The following PRKAG2 variants were observed in gnomAD, a reference collection of about 807,000 sequenced individuals.
The protein encoded by PRKAG2 is protein kinase AMP-activated non-catalytic subunit gamma 2.
PRKAG2 carries 26 observed loss-of-function variants against 69.6 expected under a neutral mutation model. The ratio of observed to expected loss-of-function variants is 0.37; its 90% CI spans 0.27 to 0.52. The LOEUF (loss-of-function observed/expected upper bound fraction) is 0.52, where lower values mean the gene tolerates loss of function less well. Ranked by LOEUF, PRKAG2 falls within the 20% of genes least tolerant of loss-of-function variation. The probability of loss-of-function intolerance (pLI) is 0.90; values close to 1 mark genes in which losing one functional copy is unlikely to be tolerated. For synonymous variants in PRKAG2, 293 were observed against 285.0 expected (o/e 1.03, Z -0.28); for missense variants, 557 against 740.0 (o/e 0.75, Z 2.87).
chr7:151,824,296 G>A (rs576500804), intron 1 of PRKAG2, among the ~76,000 whole-genome samples: 29 of 152,210 alleles, frequency 1.9e-4, no homozygotes, highest in Non-Finnish European at 3.5e-4. Flanking sequence ...TGCTCCCCTC[G>A]GCTTTTCCCC....
At chr7:151,677,431 A>G (rs1563406332) in intron 3 of PRKAG2, among the ~76,000 whole-genome samples, 1 of 152,216 alleles carries the variant, frequency 6.6e-6, no homozygotes, top group Non-Finnish European at 1.5e-5. Context: ...ACCTCAAGTG[A>G]TCTGCCTGCC....
At chr7:151,706,121 C>T (rs949905266) in intron 3 of PRKAG2, among the ~76,000 whole-genome samples, 4 of 152,202 alleles carry the variant, frequency 2.6e-5, no homozygotes, top group African/African-American at 9.7e-5. Context: ...TGACTCAGCA[C>T]AGCAGATATG....
At chr7:151,832,970 A>G (rs1005943183) in intron 1 of PRKAG2, among the ~76,000 whole-genome samples, 2 of 152,206 alleles carry the variant, frequency 1.3e-5, no homozygotes, top group South Asian at 2.1e-4. Flanking sequence ...GACATCTTGG[A>G]GGAGGTGGGC....
intron 3 of PRKAG2, among the ~76,000 whole-genome samples, chr7:151,755,256 G>A (rs533531316): frequency 1.3e-5 from 2 of 152,266 alleles, no homozygotes; most frequent in East Asian, 3.9e-4. Flanking sequence ...TGAAGGAATC[G>A]GGAATCTGGG....
chr7:151,687,022 C>T (rs904985978), intron 3 of PRKAG2, among the ~76,000 whole-genome samples: 1 of 152,072 alleles, frequency 6.6e-6, no homozygotes, highest in Non-Finnish European at 1.5e-5. Flanking sequence ...GCTTTGTATA[C>T]CCAATAACAT....
At chr7:151,564,706 C>T (rs1563142791) in intron 13 of PRKAG2, among the ~76,000 whole-genome samples, 1 of 151,982 alleles carries the variant, frequency 6.6e-6, no homozygotes, top group Admixed American at 6.6e-5. Flanking sequence ...AGAGGAAGAA[C>T]AGGCTTGAGG....
intron 3 of PRKAG2, among the ~76,000 whole-genome samples, chr7:151,738,855 C>G (rs1258894676): frequency 6.6e-6 from 1 of 152,184 alleles, no homozygotes; most frequent in Non-Finnish European, 1.5e-5. Context: ...TCTTTAATTC[C>G]TCTAGTACCA....
chr7:151,818,135 G>T (rs1469479833), intron 1 of PRKAG2, among the ~76,000 whole-genome samples: 1 of 152,052 alleles, frequency 6.6e-6, no homozygotes, highest in Admixed American at 6.5e-5. Flanking sequence ...CAGACATTGG[G>T]GCCTTATGAT....
At chr7:151,745,861 G>A (rs937212184) in intron 3 of PRKAG2, among the ~76,000 whole-genome samples, 4 of 152,200 alleles carry the variant, frequency 2.6e-5, no homozygotes, top group African/African-American at 9.7e-5. Flanking sequence ...CCTTCTCGTG[G>A]TGCCTGGCAA....
rs372433693 is a variant in PRKAG2 at position 151,781,268 on chromosome 7, G to A, written c.350C>T (p.Ser117Phe). Reference sequence around the variant, plus strand: ...CCCACTGAAGCTCATGCGTCGAGGGGAGCGTGGCGGGGACTCCTGGTAGGA... The same window carrying A: ...CCCACTGAAGCTCATGCGTCGAGGGAAGCGTGGCGGGGACTCCTGGTAGGA... Reference protein sequence around the residue: ...PFSYQESPPRSPRRMSFSGIF... With the variant: ...PFSYQESPPRFPRRMSFSGIF... The change falls in exon 3 of 16, where the codon TCC becomes TTC. Residue 117 changes from serine (S) to phenylalanine (F), a missense_variant. Physicochemically the swap from Ser to Phe is radical, Grantham distance 155. Coordinates refer to ENST00000287878, the MANE Select transcript of PRKAG2 (RefSeq NM_016203.4). The surrounding 1 kb of genome is among the most constrained non-coding windows in gnomAD (Gnocchi z 6.1). The A allele has an allele frequency of 3.7e-6, 6 of 1,614,020 alleles. No individual in the cohort carries two copies. Among genetic ancestry groups the A allele is most frequent in the Admixed American group, 1.7e-5 (1 of 60,010 alleles).
intron 3 of PRKAG2, among the ~76,000 whole-genome samples, chr7:151,748,900 C>T (rs939226207): frequency 1.3e-5 from 2 of 152,264 alleles, no homozygotes; most frequent in Non-Finnish European, 2.9e-5. Context: ...TTTCACCCAA[C>T]CTGCCCCCAG....
At chr7:151,720,796 GGA>G (rs1438990037) in intron 3 of PRKAG2, among the ~76,000 whole-genome samples, 1 of 139,758 alleles carries the variant, frequency 7.2e-6, no homozygotes, top group Non-Finnish European at 1.6e-5. Context: ...GGGATTGAGG[GGA>G]GAGAGGGCAA....
chr7:151,802,068 G>A (rs2077868187), intron 1 of PRKAG2, among the ~76,000 whole-genome samples: 1 of 152,192 alleles, frequency 6.6e-6, no homozygotes, highest in African/African-American at 2.4e-5. Flanking sequence ...CTCCCTGAGT[G>A]TGGCCTCTGC....
intron 5 of PRKAG2, among the ~76,000 whole-genome samples, chr7:151,608,827 T>A (rs1818114830): frequency 2.2e-5 from 1 of 46,104 alleles, no homozygotes; most frequent in East Asian, 8.8e-4. Context: ...TAGACATGGA[T>A]TTTTTTTTTT....
At chr7:151,767,153 A>C (rs1266941926) in intron 3 of PRKAG2, among the ~76,000 whole-genome samples, 1 of 152,220 alleles carries the variant, frequency 6.6e-6, no homozygotes. Context: ...TTCCAAGCCA[A>C]GGAATGGCAG....
At chr7:151,809,015 T>C (rs997332042) in intron 1 of PRKAG2, among the ~76,000 whole-genome samples, 3 of 152,118 alleles carry the variant, frequency 2.0e-5, no homozygotes, top group African/African-American at 7.2e-5. Context: ...ATCGTCCCCC[T>C]GGAGTTCGTG....
intron 1 of PRKAG2, among the ~76,000 whole-genome samples, chr7:151,875,754 G>C (rs4726106): frequency 0.64 from 96,654 of 151,870 alleles, 31,177 homozygotes; most frequent in African/African-American, 0.71. Flanking sequence ...GAACCACTAC[G>C]CGGCCCGCCG....
Position 151,556,814 on chromosome 7 carries a change from G to A in PRKAG2, c.*387C>T, listed in dbSNP as rs975122533. The A allele has an allele frequency of 2.9e-5, 6 of 207,326 alleles. No individual in the cohort carries two copies. Among genetic ancestry groups the A allele is most frequent in the South Asian group, 1.6e-4 (2 of 12,720 alleles). 12.8% of individuals were successfully genotyped at this position (207,326 alleles called of 1,614,324 possible). ...TTTCACACGCGTGCGCCCCGGCTGCGGCGGTGACATATTGCTGTATTCGGA... is the reference window on the plus strand; with the variant it reads ...TTTCACACGCGTGCGCCCCGGCTGCAGCGGTGACATATTGCTGTATTCGGA... On this transcript the variant is annotated 3_prime_UTR_variant, in exon 16 of 16. Transcript: ENST00000287878.
At chr7:151,866,456 T>C (rs1184074481) in intron 1 of PRKAG2, among the ~76,000 whole-genome samples, 1 of 152,190 alleles carries the variant, frequency 6.6e-6, no homozygotes, top group Non-Finnish European at 1.5e-5. Context: ...AGACGGCTCA[T>C]ATAAAAGCAC....
Sources: gnomAD v4.1 joint callset for allele counts (sites outside exome capture counted in the v4.1 genomes callset) on GRCh38, gnomAD v4.1.1 for gene constraint, Gnocchi (gnomAD v3.1) non-coding constraint, MANE v1.5 for transcripts, NCBI Gene and HGNC (gene_info 2026-07-23, HGNC 2026-07-21) for gene names.